Variants in PPFIBP1 observed in about 807,000 individuals in gnomAD.
The protein encoded by PPFIBP1 is liprin-beta-1.
In PPFIBP1, 112 loss-of-function variants were observed where a neutral mutation model predicts 137.8. That is an observed-to-expected ratio of 0.81 (90% CI 0.70 to 0.95). The LOEUF is 0.95. Among genes scored for constraint, PPFIBP1 ranks in the 40% least tolerant of loss-of-function variants. PPFIBP1 has a pLI of 0.00. For missense variants in PPFIBP1, 1,083 were observed against 1,196.6 expected (o/e 0.91, Z 1.40); for synonymous variants, 378 against 417.3 (o/e 0.91, Z 1.15).
At chr12:27,641,653 T>C (rs2058110186) in intron 4 of PPFIBP1, among the ~76,000 whole-genome samples, 2 of 152,152 alleles carry the variant, frequency 1.3e-5, no homozygotes, top group African/African-American at 2.4e-5. Context: ...GAAGTTGATA[T>C]AAAAAGAAGG....
chr12:27,575,380 T>C (rs2050473262), intron 1 of PPFIBP1, among the ~76,000 whole-genome samples: 1 of 152,254 alleles, frequency 6.6e-6, no homozygotes, highest in African/African-American at 2.4e-5. Flanking sequence ...TATGGCATTA[T>C]GTATTATGAT....
intron 1 of PPFIBP1, among the ~76,000 whole-genome samples, chr12:27,533,217 G>T (rs1944601050): frequency 6.6e-6 from 1 of 152,064 alleles, no homozygotes; most frequent in Admixed American, 6.5e-5. Flanking sequence ...TGAACATCTG[G>T]AGTTTGAAAT....
rs2059220617 is a variant in PPFIBP1, at chr12:27,656,665, T to G, written c.746T>G (p.Val249Gly). The G allele has an allele frequency of 6.2e-7, 1 of 1,613,070 alleles. No individual in the cohort carries two copies. The highest frequency in any genetic ancestry group is 8.5e-7 in the Non-Finnish European group (1 of 1,179,242). ...KEQLEEKESE[V>G]KRLQEKLVCK... is the part of the protein sequence containing the mutation. ...CAACTAGAAGAAAAGGAATCTGAAG[T>G]AAAAAGGCTACAAGAAAAATTGGTT... The change falls in exon 9 of 30, where the codon GTA becomes GGA. Residue 249 changes from valine to glycine, a missense_variant. Coordinates refer to ENST00000228425, the MANE Select transcript of PPFIBP1 (RefSeq NM_003622.4).
intron 1 of PPFIBP1, among the ~76,000 whole-genome samples, chr12:27,566,383 G>A (rs886752319): frequency 4.6e-5 from 7 of 150,806 alleles, no homozygotes; most frequent in African/African-American, 9.7e-5. Context: ...CCTGCTGTTC[G>A]CAAAATATGG....
At chr12:27,689,771 T>C (rs1593412067) in intron 27 of PPFIBP1, among the ~76,000 whole-genome samples, 2 of 152,180 alleles carry the variant, frequency 1.3e-5, no homozygotes, top group East Asian at 1.9e-4. Flanking sequence ...GGGTGTTGGC[T>C]GCACTTCCAC....
rs752623693 is a variant in PPFIBP1, at chr12:27,689,052, A to G, written c.2534A>G (p.Gln845Arg). 2 of 1,613,712 alleles carry G rather than the reference A, an allele frequency of 1.2e-6. No homozygotes were observed. Among genetic ancestry groups the G allele is most frequent in the East Asian group, 4.5e-5 (2 of 44,856 alleles). Residue 845 changes from glutamine to arginine, a missense_variant, in exon 27 of 30, where the codon CAG (glutamine) becomes CGG (arginine). Transcript: ENST00000228425. ...EPRFNVETMA[Q>R]LLNIPPNKTL... ...CGTTTTAACGTAGAAACAATGGCTC[A>G]GTTATTGAACATCCCACCCAATAAG...
Position 27,665,016 on chromosome 12 carries a change from C to T in PPFIBP1, c.991+570C>T, listed in dbSNP as rs535763638. ...CAGCCTGACCAACATGGTGATACCA[C>T]GTCTCTACTAAATACAAAAAAATTA... On this transcript the variant is annotated intron_variant, in intron 12 of 29. Coordinates refer to ENST00000228425, the MANE Select transcript of PPFIBP1 (RefSeq NM_003622.4). 2.0e-4 allele frequency among the ~76,000 whole-genome samples: 30 copies of T among 152,242 alleles called. 1 individual carries two copies. In the South Asian group the frequency reaches 3.3e-3, roughly 17 times the overall value.
At chr12:27,540,951 C>T (rs147404098) in intron 1 of PPFIBP1, among the ~76,000 whole-genome samples, 2 of 152,198 alleles carry the variant, frequency 1.3e-5, no homozygotes, top group East Asian at 1.9e-4. Flanking sequence ...AATATTTTCA[C>T]CTGCTGTTTC....
intron 1 of PPFIBP1, among the ~76,000 whole-genome samples, chr12:27,558,867 T>A (rs1820415049): frequency 6.6e-6 from 1 of 152,102 alleles, no homozygotes; most frequent in Non-Finnish European, 1.5e-5. Context: ...TTTTTCTTTT[T>A]ATTTATTTTT....
chr12:27,622,560 G>C (rs893199113), intron 2 of PPFIBP1, among the ~76,000 whole-genome samples: 3 of 152,200 alleles, frequency 2.0e-5, no homozygotes, highest in African/African-American at 7.2e-5. Flanking sequence ...GTTTTCAAAC[G>C]TTTTTAACCC....
At chr12:27,673,901 C>T in intron 16 of PPFIBP1, 74 bp downstream of exon 16, 2 of 1,309,762 alleles carry the variant, frequency 1.5e-6, no homozygotes, top group Non-Finnish European at 2.2e-6. Flanking sequence ...TCATCTTTTC[C>T]CTTTTTGCAA....
chr12:27,678,856 CAA>C (rs60834907), intron 19 of PPFIBP1, among the ~76,000 whole-genome samples: 358 of 98,884 alleles, frequency 3.6e-3, no homozygotes, highest in African/African-American at 0.014. Context: ...GACTCTGTCT[CAA>C]AAAAAAAAAA....
intron 2 of PPFIBP1, among the ~76,000 whole-genome samples, chr12:27,584,870 C>T (rs1034955762): frequency 6.6e-6 from 1 of 152,190 alleles, no homozygotes; most frequent in Admixed American, 6.5e-5. Flanking sequence ...CTAGGGGCAC[C>T]TCAGCAAGTG....
At chr12:27,678,641 C>T (rs968705183) in intron 19 of PPFIBP1, among the ~76,000 whole-genome samples, 21 of 151,922 alleles carry the variant, frequency 1.4e-4, no homozygotes, top group African/African-American at 3.6e-4. Context: ...GGGTGGATCA[C>T]GAGGTCAGGA....
rs71039821 is a variant in PPFIBP1 at position 27,558,596 on chromosome 12, A to AACACACACACAC, written c.-123-19538_-123-19527dup. Among the ~76,000 whole-genome samples, 4 of 119,804 alleles carry AACACACACACAC rather than the reference A, an allele frequency of 3.3e-5. 1 individual carries two copies. Among genetic ancestry groups the AACACACACACAC allele is most frequent in the African/African-American group, 7.0e-5 (2 of 28,686 alleles). 78.6% of individuals were successfully genotyped at this position (119,804 alleles called of 152,430 possible). A position where few individuals can be genotyped will look rare whatever the true frequency, so the allele number is the denominator to read the frequency against. On this transcript the variant is annotated intron_variant, in intron 1 of 29. Coordinates refer to ENST00000228425, the MANE Select transcript of PPFIBP1 (RefSeq NM_003622.4). Reference sequence around the variant, plus strand: ...TCCTTCCTGCCCCCACCTCTCCACCAACACACACACACACACACACACACA... The same window carrying AACACACACACAC: ...TCCTTCCTGCCCCCACCTCTCCACCAACACACACACACACACACACACACACACACACACACA...
intron 2 of PPFIBP1, chr12:27,593,331 TG>T: frequency 2.5e-6 from 1 of 392,424 alleles, no homozygotes; most frequent in Non-Finnish European, 5.0e-6. Context: ...TGCTTCCTAG[TG>T]GTCGTAAGAT....
rs566322595 is a variant in PPFIBP1, at chr12:27,577,750, C to T, written c.-123-402C>T. Among the ~76,000 whole-genome samples the T allele has an allele frequency of 7.9e-5, 12 of 152,074 alleles. No individual in the cohort carries two copies. In the South Asian group the frequency reaches 2.3e-3, roughly 29 times the overall value. ...CAAAATAATAAATTGTGGACATTTC[C>T]CATTTTTTTTTACCTTAACGACAAA... On this transcript the variant is annotated intron_variant, in intron 1 of 29. Transcript: ENST00000228425.
chr12:27,626,820 C>T (rs1221303111), intron 2 of PPFIBP1, among the ~76,000 whole-genome samples: 1 of 152,188 alleles, frequency 6.6e-6, no homozygotes, highest in Non-Finnish European at 1.5e-5. Flanking sequence ...CCCACCTCAG[C>T]TTCCCAAAGT....
intron 6 of PPFIBP1, among the ~76,000 whole-genome samples, chr12:27,649,390 A>G (rs926312109): frequency 1.2e-4 from 18 of 152,242 alleles, no homozygotes; most frequent in African/African-American, 4.3e-4. Flanking sequence ...TGCCTGGCAC[A>G]TAGCAAACAT....
Sources: gnomAD v4.1 joint callset for allele counts (sites outside exome capture counted in the v4.1 genomes callset) on GRCh38, gnomAD v4.1.1 for gene constraint, MANE v1.5 for transcripts, NCBI Gene and HGNC (gene_info 2026-07-23, HGNC 2026-07-21) for gene names.